The following SORCS2 variants were observed in gnomAD, a reference collection of about 807,000 sequenced individuals.
The protein encoded by SORCS2 is sortilin related VPS10 domain containing receptor 2, also known as VPS10 domain-containing receptor SorCS2.
A neutral mutation model predicts 141.6 loss-of-function variants in SORCS2; 100 were observed. The ratio of observed to expected loss-of-function variants is 0.71; its 90% CI spans 0.60 to 0.83. SORCS2 has a LOEUF of 0.83. Among genes scored for constraint, SORCS2 ranks in the 40% least tolerant of loss-of-function variants. The pLI is 0.00. For missense variants in SORCS2, 1,646 were observed against 1,560.2 expected (o/e 1.05, Z -0.93); for synonymous variants, 789 against 676.9 (o/e 1.17, Z -2.57).
intron 1 of SORCS2, among the ~76,000 whole-genome samples, chr4:7,253,314 C>T (rs2070097244): frequency 6.6e-6 from 1 of 152,238 alleles, no homozygotes; most frequent in African/African-American, 2.4e-5. Context: ...GTCCAGGGCC[C>T]CAAGGCTCCA....
intron 1 of SORCS2, among the ~76,000 whole-genome samples, chr4:7,273,308 C>T (rs538404811): frequency 4.6e-5 from 7 of 152,326 alleles, no homozygotes; most frequent in African/African-American, 9.6e-5. Context: ...AAATCTAGCC[C>T]TCTTTCCCTG....
intron 2 of SORCS2, among the ~76,000 whole-genome samples, chr4:7,489,384 T>C (rs1281212865): frequency 6.6e-6 from 1 of 152,228 alleles, no homozygotes; most frequent in Non-Finnish European, 1.5e-5. Context: ...CCGCTCCCTG[T>C]GTTGCTTTTC....
At chr4:7,599,951 G>A (rs1047013041) in intron 3 of SORCS2, among the ~76,000 whole-genome samples, 12 of 151,872 alleles carry the variant, frequency 7.9e-5, no homozygotes, top group Admixed American at 6.6e-5. Flanking sequence ...AGCCTCCCAA[G>A]GAGCTGGGGT....
intron 3 of SORCS2, among the ~76,000 whole-genome samples, chr4:7,562,327 C>CA (rs10695685): frequency 0.051 from 7,634 of 150,604 alleles, 228 homozygotes; most frequent in African/African-American, 0.066. Flanking sequence ...GGCCCTGAGG[C>CA]AAAAAAAAGG....
chr4:7,275,144 C>T (rs1653559694), intron 1 of SORCS2, among the ~76,000 whole-genome samples: 1 of 152,086 alleles, frequency 6.6e-6, no homozygotes, highest in Non-Finnish European at 1.5e-5. Context: ...CCAAGCGTGT[C>T]CTAGTTGGGC....
chr4:7,199,246 C>A (rs541611075), intron 1 of SORCS2, among the ~76,000 whole-genome samples: 1 of 152,086 alleles, frequency 6.6e-6, no homozygotes, highest in Admixed American at 6.5e-5. Context: ...TGGTCCAAAG[C>A]GGGGTGGGGG....
chr4:7,605,632 A>G (rs1718008974), intron 3 of SORCS2, among the ~76,000 whole-genome samples: 1 of 152,234 alleles, frequency 6.6e-6, no homozygotes, highest in East Asian at 1.9e-4. Flanking sequence ...CATGGGAAGG[A>G]TCTGCATGGT....
At chr4:7,644,695 A>C (rs143130124) in intron 4 of SORCS2, among the ~76,000 whole-genome samples, 1 of 152,216 alleles carries the variant, frequency 6.6e-6, no homozygotes, top group African/African-American at 2.4e-5. Flanking sequence ...ACACTCTTCT[A>C]TGTGCCCTTC....
intron 23 of SORCS2, among the ~76,000 whole-genome samples, chr4:7,732,378 G>A (rs758879275): frequency 2.6e-5 from 4 of 152,146 alleles, no homozygotes; most frequent in Admixed American, 6.5e-5. Context: ...GTAGTGAGAG[G>A]GGCCGGGAGG....
intron 3 of SORCS2, among the ~76,000 whole-genome samples, chr4:7,574,891 A>G (rs1284935100): frequency 6.6e-6 from 1 of 152,164 alleles, no homozygotes; most frequent in Non-Finnish European, 1.5e-5. Context: ...GCTCCTCTTT[A>G]CACCGCCCAT....
chr4:7,643,148 T>C (rs547374728), intron 4 of SORCS2, among the ~76,000 whole-genome samples: 2 of 152,294 alleles, frequency 1.3e-5, no homozygotes, highest in South Asian at 2.1e-4. Context: ...GCTTCCCTTA[T>C]CCTCGTTATA....
At chr4:7,255,650 G>C (rs578060937) in intron 1 of SORCS2, among the ~76,000 whole-genome samples, 4 of 152,218 alleles carry the variant, frequency 2.6e-5, no homozygotes, top group Non-Finnish European at 4.4e-5. Context: ...GAGGTCAGGC[G>C]GGGGCCGGCT....
chr4:7,293,438 C>T (rs1282703084), intron 1 of SORCS2, among the ~76,000 whole-genome samples: 3 of 152,194 alleles, frequency 2.0e-5, no homozygotes, highest in Non-Finnish European at 4.4e-5. Context: ...CTTTGTATAG[C>T]AGCCTACATC....
chr4:7,371,865 G>A (rs1722269925), intron 1 of SORCS2, among the ~76,000 whole-genome samples: 1 of 152,212 alleles, frequency 6.6e-6, no homozygotes, highest in Non-Finnish European at 1.5e-5. Context: ...TCCACCAGCT[G>A]TGATGGCCAC....
chr4:7,567,543 C>G (rs1421285229), intron 3 of SORCS2, among the ~76,000 whole-genome samples: 3 of 152,152 alleles, frequency 2.0e-5, no homozygotes, highest in African/African-American at 7.2e-5. Flanking sequence ...AGTGCTGTCC[C>G]CATCGCATCA....
intron 1 of SORCS2, among the ~76,000 whole-genome samples, chr4:7,215,994 A>C (rs572162555): frequency 2.0e-5 from 3 of 151,786 alleles, no homozygotes; most frequent in Non-Finnish European, 4.4e-5. Flanking sequence ...CACACTGTGG[A>C]AGCTTTGTTC....
At chr4:7,464,381 T>G (rs1255618743) in intron 2 of SORCS2, among the ~76,000 whole-genome samples, 1 of 152,130 alleles carries the variant, frequency 6.6e-6, no homozygotes, top group East Asian at 1.9e-4. Flanking sequence ...GCCCGAGCTC[T>G]GGATGCCCTG....
intron 2 of SORCS2, among the ~76,000 whole-genome samples, chr4:7,452,040 C>A (rs1728494352): frequency 6.6e-6 from 1 of 152,158 alleles, no homozygotes; most frequent in East Asian, 1.9e-4. Context: ...GCTCCTCCTG[C>A]TCTGCACAGC....
At chr4:7,576,201 A>C (rs1490801470) in intron 3 of SORCS2, among the ~76,000 whole-genome samples, 15 of 152,236 alleles carry the variant, frequency 9.9e-5, no homozygotes. Flanking sequence ...TGCTCAGCTG[A>C]ATTGCTGTTC....
Sources: gnomAD v4.1 joint callset for allele counts (sites outside exome capture counted in the v4.1 genomes callset) on GRCh38, gnomAD v4.1.1 for gene constraint, MANE v1.5 for transcripts, NCBI Gene and HGNC (gene_info 2026-07-23, HGNC 2026-07-21) for gene names.